Variants in KLF12 observed in about 807,000 individuals in gnomAD.
KLF12 encodes the protein KLF transcription factor 12.
A neutral mutation model predicts 37.8 loss-of-function variants in KLF12; 9 were observed. The ratio of observed to expected loss-of-function variants is 0.24; its 90% CI spans 0.14 to 0.42. The LOEUF (loss-of-function observed/expected upper bound fraction) is 0.42. KLF12 is among the 10% of genes least tolerant of loss of function. The pLI is 1.00. For synonymous variants in KLF12, 208 were observed against 202.1 expected, an observed-to-expected ratio of 1.03 and a Z score of -0.25; for missense variants, 411 against 516.0, an observed-to-expected ratio of 0.80 and a Z score of 1.97.
At chr13:73,786,534 C>T (rs1262022597) in intron 5 of KLF12, among the ~76,000 whole-genome samples, 2 of 152,042 alleles carry the variant, frequency 1.3e-5, no homozygotes, top group African/African-American at 4.8e-5. Context: ...CACTATCCCA[C>T]TCATCAGAAA....
At chr13:74,014,911 T>G (rs143823690) in intron 1 of KLF12, among the ~76,000 whole-genome samples, 48 of 152,298 alleles carry the variant, frequency 3.2e-4, no homozygotes, top group Non-Finnish European at 6.5e-4. Context: ...GCTGTGAGGT[T>G]AAGAGTTTGC....
intron 6 of KLF12, among the ~76,000 whole-genome samples, chr13:73,722,817 A>G (rs1876367469): frequency 6.6e-6 from 1 of 152,224 alleles, no homozygotes; most frequent in Non-Finnish European, 1.5e-5. Flanking sequence ...TAAAATGCAT[A>G]TTTAATTATT....
intron 7 of KLF12, among the ~76,000 whole-genome samples, chr13:73,713,885 T>C (rs1875596274): frequency 1.3e-5 from 2 of 152,190 alleles, no homozygotes. Flanking sequence ...ACTCAAAATA[T>C]GTGATGATTC....
chr13:74,051,355 C>CACAT (rs1872914875), intron 1 of KLF12, among the ~76,000 whole-genome samples: 1 of 151,322 alleles, frequency 6.6e-6, no homozygotes, highest in Admixed American at 6.6e-5. Flanking sequence ...CACACACACA[C>CACAT]ACACACACAC....
intron 6 of KLF12, among the ~76,000 whole-genome samples, chr13:73,723,712 A>C (rs1335160643): frequency 6.6e-6 from 1 of 152,166 alleles, no homozygotes; most frequent in Non-Finnish European, 1.5e-5. Context: ...AGTTATCCTT[A>C]TTTGACTACA....
At chr13:74,295,128 T>G in the KLF12 span, among the ~76,000 whole-genome samples, 1 of 152,202 alleles carries the variant, frequency 6.6e-6, no homozygotes, top group Non-Finnish European at 1.5e-5. Context: ...CTACTGCTTA[T>G]CTGGTAGTGT....
intron 6 of KLF12, among the ~76,000 whole-genome samples, chr13:73,743,916 A>G (rs1231391537): frequency 1.3e-5 from 2 of 152,216 alleles, no homozygotes; most frequent in Non-Finnish European, 2.9e-5. Context: ...TCCTTGAGGC[A>G]GGATTCTATT....
chr13:74,246,661 G>C, the KLF12 span, among the ~76,000 whole-genome samples: 1 of 152,148 alleles, frequency 6.6e-6, no homozygotes, highest in Admixed American at 6.5e-5. Flanking sequence ...CAGAAACACC[G>C]GACAGATGGC....
chr13:74,246,571 G>A, the KLF12 span, among the ~76,000 whole-genome samples: 11 of 152,206 alleles, frequency 7.2e-5, no homozygotes. Context: ...TACTGGCTTG[G>A]TGGGTGGAAA....
the KLF12 span, among the ~76,000 whole-genome samples, chr13:74,281,924 C>T: frequency 2.6e-5 from 4 of 152,156 alleles, no homozygotes; most frequent in African/African-American, 4.8e-5. Flanking sequence ...AAATTCTTAT[C>T]GGAGAGGGCT....
intron 6 of KLF12, among the ~76,000 whole-genome samples, chr13:73,763,882 C>T (rs1879729554): frequency 6.6e-6 from 1 of 151,946 alleles, no homozygotes; most frequent in Non-Finnish European, 1.5e-5. Context: ...CGCCTCTGTG[C>T]CCCATTTCCC....
chr13:74,234,493 G>C, the KLF12 span, among the ~76,000 whole-genome samples: 1 of 152,090 alleles, frequency 6.6e-6, no homozygotes, highest in Non-Finnish European at 1.5e-5. Flanking sequence ...ATGAAACACT[G>C]TATGACACAC....
intron 5 of KLF12, among the ~76,000 whole-genome samples, chr13:73,812,115 AC>A: frequency 6.7e-6 from 1 of 150,040 alleles, no homozygotes; most frequent in Admixed American, 6.7e-5. Flanking sequence ...AGATTATGTT[AC>A]TAAAAATTAC....
chr13:74,283,677 G>C, the KLF12 span, among the ~76,000 whole-genome samples: 42 of 152,172 alleles, frequency 2.8e-4, no homozygotes, highest in East Asian at 7.7e-3. Flanking sequence ...CTCAGCCCTT[G>C]TGTCTCAGTT....
chr13:73,901,681 T>A (rs949502707), intron 3 of KLF12, among the ~76,000 whole-genome samples: 1 of 152,170 alleles, frequency 6.6e-6, no homozygotes, highest in African/African-American at 2.4e-5. Context: ...ACTTCCCTAA[T>A]GCAGCAAAGC....
intron 1 of KLF12, among the ~76,000 whole-genome samples, chr13:74,121,915 T>C (rs1482311792): frequency 2.0e-5 from 3 of 152,036 alleles, no homozygotes; most frequent in African/African-American, 7.2e-5. Context: ...CAATGGTATG[T>C]CTATGCTCTG....
chr13:73,962,409 C>T (rs191735863), intron 2 of KLF12, among the ~76,000 whole-genome samples: 1 of 152,260 alleles, frequency 6.6e-6, no homozygotes, highest in Admixed American at 6.5e-5. Flanking sequence ...ATAGTGAATA[C>T]ACATCAATAT....
At chr13:74,303,060 A>T in the KLF12 span, among the ~76,000 whole-genome samples, 1 of 152,152 alleles carries the variant, frequency 6.6e-6, no homozygotes, top group Non-Finnish European at 1.5e-5. Flanking sequence ...TGATTGTTAT[A>T]CCAGGACAAG....
chr13:73,718,054 A>T (rs1875949346), intron 6 of KLF12, among the ~76,000 whole-genome samples: 2 of 152,212 alleles, frequency 1.3e-5, no homozygotes, highest in South Asian at 4.1e-4. Flanking sequence ...TGCAAGTTAT[A>T]ACTTAAAGTC....
Sources: allele counts gnomAD v4.1 joint callset (sites outside exome capture counted in the v4.1 genomes callset), GRCh38; gene constraint gnomAD v4.1.1; transcripts MANE v1.5; gene names NCBI Gene and HGNC (gene_info 2026-07-23, HGNC 2026-07-21).